The following SCAND3 variants were observed in gnomAD, a reference collection of about 807,000 sequenced individuals.
The protein encoded by SCAND3 is SCAN domain-containing protein 3.
At chr6:28,594,812 G>A in the SCAND3 span, among the ~76,000 whole-genome samples, 27,102 of 151,934 alleles carry the variant, frequency 0.18, 2,526 homozygotes, top group South Asian at 0.2. Context: ...TCACTTATAT[G>A]TGGAATCTAA....
At chr6:28,575,267 G>A in the SCAND3 span, 31 of 1,613,852 alleles carry the variant, frequency 1.9e-5, no homozygotes, top group East Asian at 1.1e-4. This position sits in a 1 kb window ranked among gnomAD's most constrained non-coding sequence, Gnocchi z 4.2. Flanking sequence ...ATCCTCTTTC[G>A]GATATCCTCA....
the SCAND3 span, among the ~76,000 whole-genome samples, chr6:28,611,506 T>A: frequency 1.3e-5 from 2 of 152,232 alleles, no homozygotes; most frequent in Non-Finnish European, 1.5e-5. Flanking sequence ...CAACACACTT[T>A]GAGCAAAAGG....
At chr6:28,574,499 A>G in the SCAND3 span, 1 of 716,032 alleles carries the variant, frequency 1.4e-6, no homozygotes, top group Non-Finnish European at 2.4e-6. Flanking sequence ...AAGAAGCATT[A>G]AAAGTAATTA....
chr6:28,577,161 TAATA>T, the SCAND3 span, among the ~76,000 whole-genome samples: 1 of 152,172 alleles, frequency 6.6e-6, no homozygotes, highest in Non-Finnish European at 1.5e-5. Flanking sequence ...ATTTCTGACT[TAATA>T]AAGCTTATTA....
chr6:28,607,049 T>A, the SCAND3 span, among the ~76,000 whole-genome samples: 3 of 152,256 alleles, frequency 2.0e-5, no homozygotes, highest in Non-Finnish European at 4.4e-5. Flanking sequence ...CCTAGCTGTT[T>A]CACAAATTGC....
chr6:28,588,895 C>T, the SCAND3 span, among the ~76,000 whole-genome samples: 2 of 152,192 alleles, frequency 1.3e-5, no homozygotes, highest in Admixed American at 6.5e-5. The surrounding 1 kb of genome is among the most constrained non-coding windows in gnomAD (Gnocchi z 4.1). Flanking sequence ...TGTTAAGATC[C>T]TTTCCTTGCG....
the SCAND3 span, chr6:28,573,491 T>C: frequency 6.2e-7 from 1 of 1,614,046 alleles, no homozygotes; most frequent in African/African-American, 1.3e-5. Flanking sequence ...TTCAATTCAC[T>C]ACTCTTTCTT....
the SCAND3 span, among the ~76,000 whole-genome samples, chr6:28,588,278 AC>A: frequency 6.6e-6 from 1 of 152,014 alleles, no homozygotes. The surrounding 1 kb of genome is among the most constrained non-coding windows in gnomAD (Gnocchi z 4.1). Flanking sequence ...TCCCCCCCTA[AC>A]TATCCTTTGC....
chr6:28,606,927 G>A, the SCAND3 span, among the ~76,000 whole-genome samples: 1 of 152,180 alleles, frequency 6.6e-6, no homozygotes, highest in African/African-American at 2.4e-5. Flanking sequence ...GTTGAAAACA[G>A]CAGGAAATGA....
the SCAND3 span, chr6:28,570,617 A>T: frequency 2.0e-5 from 3 of 152,234 alleles, no homozygotes; most frequent in Non-Finnish European, 4.4e-5. Context: ...TCCATTACCA[A>T]AAGGTTAAAT....
At chr6:28,579,340 G>T in the SCAND3 span, 80 of 1,613,924 alleles carry the variant, frequency 5.0e-5, no homozygotes, top group South Asian at 7.8e-4. This position sits in a 1 kb window ranked among gnomAD's most constrained non-coding sequence, Gnocchi z 4.5. Flanking sequence ...CTGAAGCTGG[G>T]TGCCTAAAGA....
chr6:28,614,595 G>T, the SCAND3 span, among the ~76,000 whole-genome samples: 1 of 152,096 alleles, frequency 6.6e-6, no homozygotes, highest in East Asian at 1.9e-4. Flanking sequence ...CTCCCAAGTA[G>T]CTGGGATTAC....
At chr6:28,590,517 TGTCAA>T in the SCAND3 span, 1 of 152,254 alleles carries the variant, frequency 6.6e-6, no homozygotes, top group South Asian at 2.1e-4. Context: ...AAATGTGAGG[TGTCAA>T]GGTGAGGGAA....
At chr6:28,573,351 G>C in the SCAND3 span, 4 of 1,614,090 alleles carry the variant, frequency 2.5e-6, no homozygotes, top group South Asian at 2.2e-5. Flanking sequence ...CTTTGATGCA[G>C]TCTTTCACTA....
the SCAND3 span, among the ~76,000 whole-genome samples, chr6:28,579,601 C>A: frequency 6.6e-6 from 1 of 152,198 alleles, no homozygotes. This position sits in a 1 kb window ranked among gnomAD's most constrained non-coding sequence, Gnocchi z 4.5. Context: ...CAGAGCCATA[C>A]AACAGAAACT....
At chr6:28,574,814 AGG>A in the SCAND3 span, 4 of 1,614,124 alleles carry the variant, frequency 2.5e-6, no homozygotes, top group African/African-American at 2.7e-5. Flanking sequence ...CCATGTTGAG[AGG>A]GCACTCCACA....
At chr6:28,579,632 G>A in the SCAND3 span, among the ~76,000 whole-genome samples, 2 of 152,228 alleles carry the variant, frequency 1.3e-5, no homozygotes, top group Non-Finnish European at 2.9e-5. This position sits in a 1 kb window ranked among gnomAD's most constrained non-coding sequence, Gnocchi z 4.5. Flanking sequence ...TAGGACAGGA[G>A]TTAAAACGCA....
chr6:28,600,889 C>G, the SCAND3 span, among the ~76,000 whole-genome samples: 2 of 147,326 alleles, frequency 1.4e-5, no homozygotes, highest in Non-Finnish European at 3.0e-5. Context: ...GAGGTCCTGA[C>G]AACATGTGCC....
the SCAND3 span, chr6:28,590,422 A>AT: frequency 7.0e-6 from 1 of 143,384 alleles, no homozygotes; most frequent in Non-Finnish European, 1.6e-5. Flanking sequence ...GTAGACGAGG[A>AT]TTGAATTGGA....
Sources: allele counts gnomAD v4.1 joint callset (sites outside exome capture counted in the v4.1 genomes callset), GRCh38; gene constraint gnomAD v4.1.1; non-coding constraint Gnocchi (gnomAD v3.1); transcripts MANE v1.5; gene names NCBI Gene and HGNC (gene_info 2026-07-23, HGNC 2026-07-21).